Variants in CCSER1 observed in about 807,000 individuals in gnomAD.
The protein encoded by CCSER1 is coiled-coil serine rich protein 1, also known as serine-rich coiled-coil domain-containing protein 1.
Under a neutral mutation model 82.0 loss-of-function variants are expected in CCSER1, and 41 were observed. That is an observed-to-expected ratio of 0.50 (90% CI 0.39 to 0.65). CCSER1 has a LOEUF of 0.65. Among genes scored for constraint, CCSER1 ranks in the 30% least tolerant of loss-of-function variants. The pLI, the probability that CCSER1 is intolerant of heterozygous loss-of-function variation, is 0.00. For synonymous variants in CCSER1, 414 were observed against 383.9 expected, an observed-to-expected ratio of 1.08 and a Z score of -0.92; for missense variants, 1,119 against 1,064.2, an observed-to-expected ratio of 1.05 and a Z score of -0.72.
At chr4:91,328,046 A>G (rs912495922) in intron 10 of CCSER1, among the ~76,000 whole-genome samples, 3 of 152,176 alleles carry the variant, frequency 2.0e-5, no homozygotes, top group Non-Finnish European at 4.4e-5. Context: ...GGTCTCTAGA[A>G]TGCTTCAATC....
At chr4:90,844,781 A>G (rs867030551) in intron 8 of CCSER1, among the ~76,000 whole-genome samples, 1 of 152,098 alleles carries the variant, frequency 6.6e-6, no homozygotes, top group East Asian at 1.9e-4. Flanking sequence ...CACCCCAGCC[A>G]ATATGTAAGT....
intron 3 of CCSER1, among the ~76,000 whole-genome samples, chr4:90,385,523 G>A (rs542855276): frequency 1.1e-4 from 16 of 149,016 alleles, no homozygotes; most frequent in Admixed American, 4.7e-4. Context: ...GCAGTGGCGC[G>A]ATCTCTGCTC....
chr4:91,101,429 C>A (rs569617343), intron 10 of CCSER1, among the ~76,000 whole-genome samples: 1 of 152,264 alleles, frequency 6.6e-6, no homozygotes, highest in South Asian at 2.1e-4. Context: ...CTCTTAAGAA[C>A]CTGGTTTAAG....
chr4:90,398,565 T>C (rs1211234294), intron 3 of CCSER1, among the ~76,000 whole-genome samples: 2 of 152,118 alleles, frequency 1.3e-5, no homozygotes, highest in Non-Finnish European at 2.9e-5. Flanking sequence ...TCAATTATGT[T>C]TTGTTGTTGT....
At chr4:90,686,402 G>T (rs1415053918) in intron 6 of CCSER1, among the ~76,000 whole-genome samples, 2 of 151,780 alleles carry the variant, frequency 1.3e-5, no homozygotes, top group African/African-American at 4.8e-5. Context: ...GAAATCTGGG[G>T]TTGTAGGATT....
chr4:90,941,958 GT>G (rs112347207), intron 9 of CCSER1, among the ~76,000 whole-genome samples: 3 of 150,726 alleles, frequency 2.0e-5, no homozygotes, highest in African/African-American at 4.9e-5. Context: ...GTTTTGTTTT[GT>G]TTTTTTTGAG....
chr4:91,293,134 T>A (rs1323534560), intron 10 of CCSER1, among the ~76,000 whole-genome samples: 3 of 151,942 alleles, frequency 2.0e-5, no homozygotes, highest in African/African-American at 7.2e-5. Flanking sequence ...ACAAAAAAAA[T>A]GCACTGAGAT....
chr4:90,884,830 A>G (rs1721878501), intron 8 of CCSER1, among the ~76,000 whole-genome samples: 1 of 152,132 alleles, frequency 6.6e-6, no homozygotes, highest in Admixed American at 6.6e-5. Context: ...TTTAAAAGAT[A>G]GGAAAGATTT....
intron 10 of CCSER1, among the ~76,000 whole-genome samples, chr4:91,309,636 G>A (rs1490282563): frequency 2.6e-5 from 4 of 151,902 alleles, no homozygotes; most frequent in Non-Finnish European, 1.5e-5. Context: ...CTACATAAAA[G>A]GCTTGCAGCT....
chr4:91,478,589 G>A (rs745603562), intron 10 of CCSER1, among the ~76,000 whole-genome samples: 1 of 151,832 alleles, frequency 6.6e-6, no homozygotes, highest in Non-Finnish European at 1.5e-5. Context: ...AAATGCCAAA[G>A]CTAGACATCA....
At chr4:91,417,926 A>T (rs987498940) in intron 10 of CCSER1, among the ~76,000 whole-genome samples, 1 of 152,208 alleles carries the variant, frequency 6.6e-6, no homozygotes, top group Non-Finnish European at 1.5e-5. Context: ...TAACAAATTT[A>T]AGAAGCTTGA....
At chr4:90,914,154 T>A (rs1335716280) in intron 8 of CCSER1, among the ~76,000 whole-genome samples, 2 of 152,182 alleles carry the variant, frequency 1.3e-5, no homozygotes, top group Non-Finnish European at 2.9e-5. Flanking sequence ...CTGATAGACA[T>A]CTACAGAACT....
At position 91,504,504 on chromosome 4, in the gene CCSER1, A is replaced by C. The variant is rs1222693791; in HGVS notation, c.2218-94068A>C. On this transcript the variant is annotated intron_variant, in intron 10 of 10. Transcript: ENST00000509176. ...GTTATGCTGGCCTTTAATTCATAAGAAACAGAAAGCACTTGTAGATGAACA... is the reference window on the plus strand; with the variant it reads ...GTTATGCTGGCCTTTAATTCATAAGCAACAGAAAGCACTTGTAGATGAACA... Among the ~76,000 whole-genome samples the C allele has an allele frequency of 2.0e-5, 3 of 152,308 alleles. No individual in the cohort carries two copies. The East Asian group carries it at 5.8e-4, about 29-fold the overall frequency.
At chr4:91,164,278 AG>A (rs1731780475) in intron 10 of CCSER1, among the ~76,000 whole-genome samples, 1 of 152,170 alleles carries the variant, frequency 6.6e-6, no homozygotes, top group African/African-American at 2.4e-5. Flanking sequence ...TCTGGCTTGC[AG>A]GGTTTCTGCT....
At chr4:90,533,526 A>C (rs1774908976) in intron 5 of CCSER1, among the ~76,000 whole-genome samples, 2 of 152,208 alleles carry the variant, frequency 1.3e-5, no homozygotes, top group Admixed American at 1.3e-4. Flanking sequence ...GATACCTTCC[A>C]GATTTTGTAG....
At chr4:90,134,098 A>G (rs1012215314) in intron 1 of CCSER1, among the ~76,000 whole-genome samples, 10 of 152,216 alleles carry the variant, frequency 6.6e-5, no homozygotes, top group Non-Finnish European at 1.2e-4. Flanking sequence ...TATACACTTT[A>G]TAATGTTATG....
At chr4:90,354,083 T>C (rs4694025) in intron 3 of CCSER1, among the ~76,000 whole-genome samples, 86,998 of 151,992 alleles carry the variant, frequency 0.57, 25,473 homozygotes, top group African/African-American at 0.69. Flanking sequence ...GAATATGTGG[T>C]ATATATTAAT....
intron 10 of CCSER1, among the ~76,000 whole-genome samples, chr4:91,125,721 A>C (rs1727452666): frequency 6.6e-6 from 1 of 151,826 alleles, no homozygotes; most frequent in Non-Finnish European, 1.5e-5. Flanking sequence ...ATGAAGTAGA[A>C]AAAGGGTATA....
intron 1 of CCSER1, among the ~76,000 whole-genome samples, chr4:90,265,312 T>C (rs1725045956): frequency 1.3e-5 from 2 of 151,832 alleles, no homozygotes; most frequent in Admixed American, 6.6e-5. Context: ...GAATAAAATA[T>C]ATTTGTATGT....
Sources: gnomAD v4.1 joint callset for allele counts (sites outside exome capture counted in the v4.1 genomes callset) on GRCh38, gnomAD v4.1.1 for gene constraint, MANE v1.5 for transcripts, NCBI Gene and HGNC (gene_info 2026-07-23, HGNC 2026-07-21) for gene names.